The following LARGE1 variants were observed in gnomAD, a reference collection of about 807,000 sequenced individuals.
The protein encoded by LARGE1 is LARGE xylosyl- and glucuronyltransferase 1.
LARGE1 carries 43 observed loss-of-function variants against 87.6 expected under a neutral mutation model. The observed-to-expected ratio is 0.49, with a 90% CI of 0.38 to 0.63. The LOEUF (loss-of-function observed/expected upper bound fraction) is 0.63. Among genes scored for constraint, LARGE1 ranks in the 30% least tolerant of loss-of-function variants. LARGE1 has a pLI of 0.00. For synonymous variants in LARGE1, 434 were observed against 394.6 expected, an observed-to-expected ratio of 1.10 and a Z score of -1.18; for missense variants, 802 against 1,000.2, an observed-to-expected ratio of 0.80 and a Z score of 2.67.
chr22:33,877,220 C>T (rs1176078189), intron 1 of LARGE1, among the ~76,000 whole-genome samples: 1 of 152,160 alleles, frequency 6.6e-6, no homozygotes, highest in Admixed American at 6.5e-5. Context: ...ATACCATTTA[C>T]TGAGGCCCTG....
chr22:33,229,635 A>G (rs2145649785), intron 11 of LARGE1, among the ~76,000 whole-genome samples: 1 of 152,290 alleles, frequency 6.6e-6, no homozygotes, highest in South Asian at 2.1e-4. Context: ...GAAAATAATA[A>G]CATAAGAAGG....
At chr22:33,766,965 T>C (rs1325731359) in intron 1 of LARGE1, among the ~76,000 whole-genome samples, 81 of 116,428 alleles carry the variant, frequency 7.0e-4, no homozygotes, top group African/African-American at 2.7e-3. Context: ...TATATATATA[T>C]ATACTTCCTG....
In LARGE1 at chr22:33,906,317, G is replaced by A. The variant is rs73882346; in HGVS notation, c.-83+13678C>T. On this transcript the variant is annotated intron_variant, in intron 1 of 14. Coordinates refer to ENST00000397394, the MANE Select transcript of LARGE1 (RefSeq NM_133642.5). Reference sequence around the variant, plus strand: ...TATTTTCTTAGAAGTATCCACATCTGCATACTCCATGAAAAGTCTTCATGT... The same window carrying A: ...TATTTTCTTAGAAGTATCCACATCTACATACTCCATGAAAAGTCTTCATGT... Among the ~76,000 whole-genome samples, 973 of 152,254 alleles carry A rather than the reference G, an allele frequency of 6.4e-3. 9 individuals carry two copies. The highest frequency in any genetic ancestry group is 0.022 in the African/African-American group (925 of 41,568).
At chr22:33,283,168 G>C (rs1930794985) in intron 13 of LARGE1, 34 bp downstream of exon 13, 1 of 1,613,314 alleles carries the variant, frequency 6.2e-7, no homozygotes, top group Admixed American at 1.7e-5. Flanking sequence ...AGGCCTTCGA[G>C]CACCCCCAGA....
intron 5 of LARGE1, among the ~76,000 whole-genome samples, chr22:33,581,914 C>A (rs2148874413): frequency 6.6e-6 from 1 of 151,888 alleles, no homozygotes; most frequent in East Asian, 1.9e-4. Context: ...ATAGATACAT[C>A]TTAAAGCTTC....
chr22:33,536,698 C>T (rs1244766497), intron 6 of LARGE1, among the ~76,000 whole-genome samples: 4 of 152,298 alleles, frequency 2.6e-5, no homozygotes, highest in Non-Finnish European at 4.4e-5. Context: ...GAGGTTTACC[C>T]GATGAGGCTG....
chr22:33,197,750 G>T (rs1405502386), intron 11 of LARGE1, among the ~76,000 whole-genome samples: 1 of 151,940 alleles, frequency 6.6e-6, no homozygotes, highest in East Asian at 1.9e-4. Context: ...CCAATCAAAA[G>T]CCCAAAAGGC....
Position 33,304,245 on chromosome 22 carries a change from G to C in LARGE1, c.1714C>G (p.Leu572Val), listed in dbSNP as rs1934559254. Reference protein sequence around the residue: ...SDIDFLPMYGLYEYLRKSVIQ... With the variant: ...SDIDFLPMYGVYEYLRKSVIQ... ...GGTCCTTACCTGAGGTACTCATAGA[G>C]CCCATACATGGGCAGGAAGTCAATG... Residue 572 changes from leucine (L) to valine (V), a missense_variant, in exon 12 of 15, where the codon CTC becomes GTC. Physicochemically the swap from Leu to Val is conservative, Grantham distance 32. This residue lies in a region of LARGE1 where 625 missense variants were observed against 841.9 expected (regional missense o/e 0.74). Coordinates refer to ENST00000397394, the MANE Select transcript of LARGE1 (RefSeq NM_133642.5). The C allele has an allele frequency of 1.2e-6, 2 of 1,614,114 alleles. No individual in the cohort carries two copies. The highest frequency in any genetic ancestry group is 1.3e-5 in the African/African-American group (1 of 74,952).
intron 11 of LARGE1, among the ~76,000 whole-genome samples, chr22:33,227,300 G>C (rs1925791154): frequency 6.6e-6 from 1 of 152,170 alleles, no homozygotes; most frequent in African/African-American, 2.4e-5. Flanking sequence ...ACTAGACCAT[G>C]CTGCTCTGCA....
intron 9 of LARGE1, among the ~76,000 whole-genome samples, chr22:33,365,618 T>TC (rs376843678): frequency 7.1e-6 from 1 of 141,626 alleles, no homozygotes; most frequent in African/African-American, 2.8e-5. Flanking sequence ...TTTTCTCTCT[T>TC]TTTTTTTTTT....
chr22:33,561,044 G>A (rs2077842256), intron 6 of LARGE1, among the ~76,000 whole-genome samples: 1 of 152,188 alleles, frequency 6.6e-6, no homozygotes, highest in Admixed American at 6.5e-5. Flanking sequence ...TCGATCTCCT[G>A]ACCTCGTGAT....
At position 33,778,894 on chromosome 22, in the gene LARGE1, A is replaced by G. The variant is rs1601595633; in HGVS notation, c.-82-17336T>C. On this transcript the variant is annotated intron_variant, in intron 1 of 14. Coordinates refer to ENST00000397394, the MANE Select transcript of LARGE1 (RefSeq NM_133642.5). ...TCGAACTCTCGACCTCAGGTGATCC[A>G]CCCGCCTTGGCCTCCCAAAGTGCTG... is the stretch of plus-strand genomic sequence containing the variant. 2.0e-5 allele frequency among the ~76,000 whole-genome samples: 3 copies of G among 151,936 alleles called. No individual in the cohort carries two copies. The South Asian group carries it at 6.2e-4, about 32-fold the overall frequency.
chr22:33,156,259 A>T, the LARGE1 span, among the ~76,000 whole-genome samples: 1 of 152,264 alleles, frequency 6.6e-6, no homozygotes, highest in African/African-American at 2.4e-5. Flanking sequence ...ATCCACCAAC[A>T]GCTTGCACTG....
At chr22:33,676,412 G>A (rs1449846493) in intron 2 of LARGE1, among the ~76,000 whole-genome samples, 4 of 124,258 alleles carry the variant, frequency 3.2e-5, no homozygotes, top group African/African-American at 1.1e-4. Flanking sequence ...AAAGCTGGCT[G>A]GTTAAAAGCA....
chr22:33,875,836 T>C (rs2064447424), intron 1 of LARGE1, among the ~76,000 whole-genome samples: 1 of 152,106 alleles, frequency 6.6e-6, no homozygotes, highest in Non-Finnish European at 1.5e-5. Flanking sequence ...CAGCCCCACC[T>C]GATGGGCTCT....
intron 6 of LARGE1, among the ~76,000 whole-genome samples, chr22:33,488,486 G>A (rs1382892159): frequency 6.6e-6 from 1 of 152,154 alleles, no homozygotes; most frequent in African/African-American, 2.4e-5. Context: ...GAGTGAGGCT[G>A]TTCTCATTTT....
intron 1 of LARGE1, among the ~76,000 whole-genome samples, chr22:33,864,175 G>C (rs1451613764): frequency 6.6e-6 from 1 of 152,158 alleles, no homozygotes; most frequent in Non-Finnish European, 1.5e-5. Flanking sequence ...AGACCCTTCA[G>C]ACCACTGATG....
chr22:33,388,978 A>T (rs1351833158), intron 7 of LARGE1, among the ~76,000 whole-genome samples: 2 of 152,196 alleles, frequency 1.3e-5, no homozygotes, highest in Non-Finnish European at 2.9e-5. Flanking sequence ...CACGTACATC[A>T]TTAGGATTCA....
At chr22:33,360,910 T>C (rs1246089906) in intron 9 of LARGE1, among the ~76,000 whole-genome samples, 1 of 149,852 alleles carries the variant, frequency 6.7e-6, no homozygotes, top group East Asian at 1.9e-4. Context: ...CTCCCCTGTA[T>C]GTAATCCCGA....
Sources: gnomAD v4.1 joint callset for allele counts (sites outside exome capture counted in the v4.1 genomes callset) on GRCh38, gnomAD v4.1.1 for gene constraint, gnomAD v4.1.1 regional missense constraint, MANE v1.5 for transcripts, NCBI Gene and HGNC (gene_info 2026-07-23, HGNC 2026-07-21) for gene names.